CABIN1: variants seen among roughly 807,000 people sequenced by gnomAD.
The protein encoded by CABIN1 is calcineurin binding protein 1.
In CABIN1, 133 loss-of-function variants were observed where a neutral mutation model predicts 227.7. The ratio of observed to expected loss-of-function variants is 0.58; its 90% CI spans 0.51 to 0.67. The LOEUF is 0.67. CABIN1 is among the 30% of genes least tolerant of loss of function. The probability of loss-of-function intolerance (pLI) is 0.00; values close to 1 mark genes in which losing one functional copy is unlikely to be tolerated. For missense variants in CABIN1, 2,408 were observed against 2,852.5 expected (o/e 0.84, Z 3.55); for synonymous variants, 1,086 against 1,155.1 (o/e 0.94, Z 1.21).
chr22:24,035,624 A>G, intron 2 of CABIN1, 104 bp downstream of exon 2: 3 of 1,416,480 alleles, frequency 2.1e-6, no homozygotes, highest in African/African-American at 1.4e-5. Context: ...GGCTCTTATT[A>G]TGGAGTAGCC....
intron 29 of CABIN1, 73 bp downstream of exon 29, chr22:24,134,488 C>T (rs2044270049): frequency 7.0e-6 from 9 of 1,291,056 alleles, no homozygotes; most frequent in Non-Finnish European, 9.9e-6. Flanking sequence ...CATGAATTGA[C>T]CCCCTAGGTG....
intron 28 of CABIN1, among the ~76,000 whole-genome samples, chr22:24,123,380 A>C (rs1412132204): frequency 6.6e-6 from 1 of 152,158 alleles, no homozygotes; most frequent in Non-Finnish European, 1.5e-5. Flanking sequence ...TGCTTCCAGG[A>C]GGCAGCTCTG....
intron 7 of CABIN1, 97 bp from the exon 8 acceptor site, chr22:24,050,728 T>G: frequency 2.1e-6 from 3 of 1,439,116 alleles, no homozygotes; most frequent in Non-Finnish European, 1.9e-6. Context: ...AAATACACAT[T>G]AAAAGGTATT....
chr22:24,149,309 T>C (rs2045345701), intron 29 of CABIN1, among the ~76,000 whole-genome samples: 1 of 151,748 alleles, frequency 6.6e-6, no homozygotes, highest in Non-Finnish European at 1.5e-5. Context: ...ATCTGCAAAG[T>C]GGGGTTGACC....
chr22:24,152,676 A>C (rs547114389), intron 29 of CABIN1, among the ~76,000 whole-genome samples: 51 of 152,204 alleles, frequency 3.4e-4, no homozygotes, highest in African/African-American at 1.1e-3. Context: ...AGGGCCAGGC[A>C]CGGTGGCTCA....
intron 10 of CABIN1, among the ~76,000 whole-genome samples, chr22:24,056,827 C>T (rs1457572630): frequency 6.6e-6 from 1 of 152,162 alleles, no homozygotes; most frequent in African/African-American, 2.4e-5. Context: ...TCCTGGGTTT[C>T]ACTCATTCTT....
chr22:24,046,902 C>T (rs535030025), intron 6 of CABIN1, among the ~76,000 whole-genome samples: 24 of 152,172 alleles, frequency 1.6e-4, no homozygotes, highest in East Asian at 1.4e-3. Context: ...GAAAACCCCC[C>T]CCACCGCAAT....
chr22:24,049,355 C>G, intron 7 of CABIN1, 135 bp downstream of exon 7: 1 of 1,086,622 alleles, frequency 9.2e-7, no homozygotes, highest in Non-Finnish European at 1.4e-6. Context: ...CCTGCCGCAG[C>G]CCCTGATCTA....
At chr22:24,094,674 G>A (rs952403048) in intron 24 of CABIN1, among the ~76,000 whole-genome samples, 51 of 151,032 alleles carry the variant, frequency 3.4e-4, no homozygotes, top group South Asian at 8.4e-4. Context: ...AAAATTAGCC[G>A]GGCGCGGTGG....
At chr22:24,032,777 A>C (rs976064815) in intron 1 of CABIN1, among the ~76,000 whole-genome samples, 3 of 152,108 alleles carry the variant, frequency 2.0e-5, no homozygotes, top group Non-Finnish European at 4.4e-5. Context: ...ATAAAGTTGC[A>C]GTTTCTGGCC....
At chr22:24,175,076 A>G (rs1220047101) in intron 34 of CABIN1, among the ~76,000 whole-genome samples, 1 of 152,162 alleles carries the variant, frequency 6.6e-6, no homozygotes. Context: ...TTCCTAGCAT[A>G]CCTTCTTCAG....
chr22:24,142,268 G>A (rs2044814313), intron 29 of CABIN1, among the ~76,000 whole-genome samples: 1 of 152,094 alleles, frequency 6.6e-6, no homozygotes, highest in Admixed American at 6.5e-5. Context: ...CCCAAGGCAG[G>A]GACCTCATCT....
intron 29 of CABIN1, among the ~76,000 whole-genome samples, chr22:24,136,730 C>T (rs2044442045): frequency 7.0e-6 from 1 of 143,466 alleles, no homozygotes; most frequent in Admixed American, 6.9e-5. Flanking sequence ...ATACATCACA[C>T]ACACACACGC....
intron 1 of CABIN1, among the ~76,000 whole-genome samples, chr22:24,022,018 A>G (rs2035761224): frequency 6.6e-6 from 1 of 152,218 alleles, no homozygotes; most frequent in Admixed American, 6.5e-5. Context: ...ATCAGTGTGA[A>G]TTGTGCCTTT....
intron 8 of CABIN1, among the ~76,000 whole-genome samples, chr22:24,052,034 C>T (rs567206959): frequency 6.6e-6 from 1 of 152,122 alleles, no homozygotes; most frequent in South Asian, 2.1e-4. Context: ...GGATTAGAGT[C>T]CTTCTCCCAT....
intron 1 of CABIN1, among the ~76,000 whole-genome samples, chr22:24,022,419 C>T (rs2035789157): frequency 6.6e-6 from 1 of 152,176 alleles, no homozygotes; most frequent in Admixed American, 6.5e-5. Flanking sequence ...TTGAAATTCA[C>T]CTCAGTTGTT....
At chr22:24,133,329 A>G (rs752042388) in intron 28 of CABIN1, among the ~76,000 whole-genome samples, 1 of 152,190 alleles carries the variant, frequency 6.6e-6, no homozygotes, top group African/African-American at 2.4e-5. Flanking sequence ...CCTCATGATG[A>G]TTAGGGGAAT....
chr22:24,043,181 G>A, intron 6 of CABIN1, 97 bp downstream of exon 6: 1 of 1,044,346 alleles, frequency 9.6e-7, no homozygotes, highest in Non-Finnish European at 1.5e-6. Context: ...AGTTAACACT[G>A]AAGGGGTTTG....
At chr22:24,044,860 T>G (rs1190383682) in intron 6 of CABIN1, among the ~76,000 whole-genome samples, 1 of 152,202 alleles carries the variant, frequency 6.6e-6, no homozygotes, top group African/African-American at 2.4e-5. Context: ...GATTATTTAT[T>G]CTCTAGTAAG....
Sources: gnomAD v4.1 joint callset for allele counts (sites outside exome capture counted in the v4.1 genomes callset) on GRCh38, gnomAD v4.1.1 for gene constraint, MANE v1.5 for transcripts, NCBI Gene and HGNC (gene_info 2026-07-23, HGNC 2026-07-21) for gene names.